Variants in OPRM1 observed in about 807,000 individuals in gnomAD.
The protein encoded by OPRM1 is opioid receptor mu 1.
OPRM1 carries 27 observed loss-of-function variants against 31.8 expected under a neutral mutation model. That is an observed-to-expected ratio of 0.85 (90% confidence interval 0.63 to 1.17). The LOEUF is 1.17. Among genes scored for constraint, OPRM1 ranks in the 50% most tolerant of loss-of-function variants. OPRM1 has a pLI of 0.00. For missense variants in OPRM1, 536 were observed against 511.1 expected (o/e 1.05, Z -0.47); for synonymous variants, 196 against 189.9 (o/e 1.03, Z -0.26).
At chr6:154,111,998 C>T (rs1004074906) in intron 3 of OPRM1, among the ~76,000 whole-genome samples, 1 of 152,144 alleles carries the variant, frequency 6.6e-6, no homozygotes, top group African/African-American at 2.4e-5. Flanking sequence ...ATCTCCTGAC[C>T]TTGTGATCCG....
chr6:154,149,717 CCCAAGATCTT>C (rs1222637389), intron 3 of OPRM1, among the ~76,000 whole-genome samples: 1 of 152,022 alleles, frequency 6.6e-6, no homozygotes, highest in African/African-American at 2.4e-5. Flanking sequence ...TTAGCAATCT[CCCAAGATCTT>C]CCAAGATCCA....
intron 1 of OPRM1, among the ~76,000 whole-genome samples, chr6:154,072,243 G>T (rs555600776): frequency 2.0e-5 from 3 of 152,142 alleles, no homozygotes; most frequent in Non-Finnish European, 2.9e-5. Flanking sequence ...AAATGTGGCC[G>T]TTAGGATCAA....
chr6:154,045,405 A>G (rs1175810609), intron 1 of OPRM1, among the ~76,000 whole-genome samples: 1 of 152,170 alleles, frequency 6.6e-6, no homozygotes, highest in Non-Finnish European at 1.5e-5. Flanking sequence ...GTAGACACTT[A>G]TTTCAAGAAC....
chr6:154,214,117 C>T, intron 3 of OPRM1: 1 of 791,552 alleles, frequency 1.3e-6, no homozygotes, highest in East Asian at 2.5e-5. Flanking sequence ...CATGTTTCCT[C>T]AGGATCAGAC....
intron 1 of OPRM1, among the ~76,000 whole-genome samples, chr6:154,048,194 T>C (rs1299955397): frequency 6.6e-6 from 1 of 152,238 alleles, no homozygotes; most frequent in Non-Finnish European, 1.5e-5. Context: ...ATTAGTGTGA[T>C]TTAAATTAAC....
In OPRM1 at chr6:154,090,037, T is replaced by C; in HGVS notation, c.502T>C (p.Tyr168His). 1 of 1,614,114 alleles carries C rather than the reference T, an allele frequency of 6.2e-7. No individual in the cohort carries two copies. Residue 168 changes from tyrosine (Y) to histidine (H), a missense_variant, in exon 2 of 4, where the codon TAC becomes CAC. By Grantham distance (83) the Tyr-to-His change is moderately conservative. Coordinates refer to ENST00000330432, the MANE Select transcript of OPRM1 (RefSeq NM_000914.5). ...FTLCTMSVDR[Y>H]IAVCHPVKAL... is the part of the protein sequence containing the mutation. ...CCTCTGCACCATGAGTGTTGATCGATACATTGCAGTCTGCCACCCTGTCAA... is the reference window on the plus strand; with the variant it reads ...CCTCTGCACCATGAGTGTTGATCGACACATTGCAGTCTGCCACCCTGTCAA...
intron 3 of OPRM1, among the ~76,000 whole-genome samples, chr6:154,190,765 T>C (rs1306788585): frequency 6.6e-6 from 1 of 152,212 alleles, no homozygotes; most frequent in Admixed American, 6.5e-5. Context: ...CAAAGATGTC[T>C]TTCAATAGGT....
intron 1 of OPRM1, among the ~76,000 whole-genome samples, chr6:154,031,778 T>TATCTACTGTGTGC (rs1483144856): frequency 6.6e-6 from 1 of 152,036 alleles, no homozygotes; most frequent in Non-Finnish European, 1.5e-5. Context: ...GTTTATTAAA[T>TATCTACTGTGTGC]ATCTACTGTG....
chr6:154,092,241 G>T (rs1034138719), intron 3 of OPRM1, among the ~76,000 whole-genome samples: 1 of 152,080 alleles, frequency 6.6e-6, no homozygotes, highest in Non-Finnish European at 1.5e-5. Flanking sequence ...AATCATATGG[G>T]AAATCAACAA....
intron 3 of OPRM1, among the ~76,000 whole-genome samples, chr6:154,161,411 A>C (rs1167644606): frequency 1.3e-5 from 2 of 152,010 alleles, no homozygotes; most frequent in Non-Finnish European, 2.9e-5. Flanking sequence ...GGGTTTCGCC[A>C]TGTTGACCAA....
chr6:154,125,789 A>ATTTT lies in OPRM1; in HGVS notation c.*7096_*7099dup, dbSNP rs543695202. The stretch of plus-strand genomic sequence containing the variant: ...TTTGCATTGCCCACTAAGGCTAGAC[A>ATTTT]TTTTTTTTTTTTTTTTTTTTTTTTT... On this transcript the variant is annotated 3_prime_UTR_variant, in exon 4 of 4. Transcript: ENST00000330432. 9.3e-5 allele frequency among the ~76,000 whole-genome samples: 2 copies of ATTTT among 21,406 alleles called. 1 individual carries two copies. Among genetic ancestry groups the ATTTT allele is most frequent in the African/African-American group, 2.3e-4 (2 of 8,610 alleles). The allele number at this position is 21,406 out of a possible 152,430, so 14.0% of individuals were successfully genotyped here. A position where few individuals can be genotyped will look rare whatever the true frequency, so the allele number is the denominator to read the frequency against.
chr6:154,144,819 C>T (rs1798318935), intron 3 of OPRM1, among the ~76,000 whole-genome samples: 1 of 149,650 alleles, frequency 6.7e-6, no homozygotes, highest in African/African-American at 2.5e-5. Context: ...GGAAGCAAGG[C>T]TGGTTTGATA....
At position 154,039,631 on chromosome 6, in the gene OPRM1, T is replaced by C. The variant is rs779771381; in HGVS notation, c.87T>C (p.Gly29=). ...YSSCSPAPSP[G]SWVNLSHLDG... is the part of the protein sequence containing the mutation. ...GTTGCTCCCCAGCACCCAGCCCCGG[T>C]TCCTGGGTCAACTTGTCCCACTTAG... Residue 29 remains glycine, a synonymous_variant, in exon 1 of 4, where the codon GGT becomes GGC. Coordinates refer to ENST00000330432, the MANE Select transcript of OPRM1 (RefSeq NM_000914.5). 8.1e-6 allele frequency: 13 copies of C among 1,613,608 alleles called. No homozygotes were observed. Among genetic ancestry groups the C allele is most frequent in the Non-Finnish European group, 1.0e-5 (12 of 1,179,658 alleles).
rs78937301 is a variant in OPRM1, at chr6:154,087,517, C to T, written c.291-2309C>T. The T allele has an allele frequency of 0.012, 11,985 of 985,446 alleles. 85 individuals carry two copies. Among genetic ancestry groups the T allele is most frequent in the Non-Finnish European group, 0.013 (10,821 of 829,952 alleles). 61.0% of individuals were successfully genotyped at this position (985,446 alleles called of 1,614,324 possible). On this transcript the variant is annotated intron_variant, in intron 1 of 3. Transcript: ENST00000330432. Reference sequence around the variant, plus strand: ...CTCACGCTCTCAAATCCACATCCTCCGGATTAGGTCCATTTTCAGACAAGC... The same window carrying T: ...CTCACGCTCTCAAATCCACATCCTCTGGATTAGGTCCATTTTCAGACAAGC...
At chr6:154,212,999 C>G (rs1778091577) in intron 3 of OPRM1, 1 of 647,156 alleles carries the variant, frequency 1.5e-6, no homozygotes, top group East Asian at 2.7e-5. Context: ...CTGGTAACTA[C>G]CTGGTGCAAA....
At chr6:154,179,255 A>T (rs1346206835) in intron 3 of OPRM1, among the ~76,000 whole-genome samples, 2 of 152,142 alleles carry the variant, frequency 1.3e-5, no homozygotes, top group Admixed American at 1.3e-4. Context: ...CTATACTAAG[A>T]CTACAGCAGG....
intron 1 of OPRM1, among the ~76,000 whole-genome samples, chr6:154,070,642 A>G (rs981330081): frequency 2.0e-5 from 3 of 152,192 alleles, no homozygotes; most frequent in Non-Finnish European, 4.4e-5. Context: ...GCCACTTTAC[A>G]TTTATGGAAA....
chr6:154,061,923 T>C (rs9479754), intron 1 of OPRM1, among the ~76,000 whole-genome samples: 21,060 of 152,164 alleles, frequency 0.14, 1,580 homozygotes, highest in Non-Finnish European at 0.17. Flanking sequence ...ATATAATGCG[T>C]TCTATGAAAA....
rs529810975 is a variant in OPRM1, at chr6:154,054,224, C to A, written c.290+14390C>A. Reference sequence around the variant, plus strand: ...CTCTACTAAAAATACAAAAAATTAGCCGGGCATGGCGGCATGCACCTGTAG... The same window carrying A: ...CTCTACTAAAAATACAAAAAATTAGACGGGCATGGCGGCATGCACCTGTAG... On this transcript the variant is annotated intron_variant, in intron 1 of 3. Transcript: ENST00000330432. Among the ~76,000 whole-genome samples the A allele has an allele frequency of 3.2e-3, 492 of 152,056 alleles. 2 individuals are homozygous for A. Among genetic ancestry groups the A allele is most frequent in the African/African-American group, 0.012 (480 of 41,452 alleles).
Sources: gnomAD v4.1 joint callset for allele counts (sites outside exome capture counted in the v4.1 genomes callset) on GRCh38, gnomAD v4.1.1 for gene constraint, MANE v1.5 for transcripts, NCBI Gene and HGNC (gene_info 2026-07-23, HGNC 2026-07-21) for gene names.